The following BRCA2 variants were observed in gnomAD, a reference collection of about 807,000 sequenced individuals.
BRCA2 encodes breast cancer type 2 susceptibility protein.
Under a neutral mutation model 276.7 loss-of-function variants are expected in BRCA2, and 203 were observed. The ratio of observed to expected loss-of-function variants is 0.73; its 90% confidence interval spans 0.65 to 0.82. The LOEUF (loss-of-function observed/expected upper bound fraction) is 0.82. Ranked by LOEUF, BRCA2 falls within the 40% of genes least tolerant of loss-of-function variation. The probability of loss-of-function intolerance (pLI) is 0.00; values close to 1 mark genes in which losing one functional copy is unlikely to be tolerated. For synonymous variants in BRCA2, 1,289 were observed against 1,338.4 expected (o/e 0.96, Z 0.81); for missense variants, 3,920 against 3,915.0 (o/e 1.00, Z -0.03).
Position 32,340,068 on chromosome 13 carries a change from C to A in BRCA2, c.5713C>A (p.His1905Asn), listed in dbSNP as rs1593906278. 1 of 1,613,844 alleles carries A rather than the reference C, an allele frequency of 6.2e-7. No homozygotes were observed. Among genetic ancestry groups the A allele is most frequent in the Non-Finnish European group, 8.5e-7 (1 of 1,179,862 alleles). Residue 1905 changes from histidine (H) to asparagine (N), a missense_variant, in exon 11 of 27, where the codon CAT (histidine) becomes AAT (asparagine). Physicochemically the swap from His to Asn is moderately conservative, Grantham distance 68 (BLOSUM62 1). This residue lies in a region of BRCA2 where 3,263 missense variants were observed against 3,156.9 expected (regional missense o/e 1.03). Coordinates refer to ENST00000380152, the MANE Select transcript of BRCA2 (RefSeq NM_000059.4). ...ATTGGATGATTCAGAGGATATTCTT[C>A]ATAACTCTCTAGATAATGATGAATG... Reference protein sequence around the residue: ...EALDDSEDILHNSLDNDECST... With the variant: ...EALDDSEDILNNSLDNDECST...
At chr13:32,316,035 C>T (rs762004581) in intron 1 of BRCA2, among the ~76,000 whole-genome samples, 10 of 152,304 alleles carry the variant, frequency 6.6e-5, no homozygotes, top group Middle Eastern at 3.4e-3. Flanking sequence ...CTGCTGGGCA[C>T]GCTGTATTTG....
At chr13:32,380,534 C>CTTTTTTTTT (rs11451886) in intron 24 of BRCA2, among the ~76,000 whole-genome samples, 1 of 101,730 alleles carries the variant, frequency 9.8e-6, no homozygotes, top group Non-Finnish European at 1.9e-5. Flanking sequence ...CAGAGTCAAG[C>CTTTTTTTTT]TTTTTTTTTT....
Position 32,332,287 on chromosome 13 carries a change from C to G in BRCA2, c.809C>G (p.Ser270Ter), listed in dbSNP as rs276174902. The change falls in exon 10 of 27, where the codon TCA (serine) becomes TGA (stop). Residue 270 changes from serine to a stop codon, truncating the protein, a stop_gained. Coordinates refer to ENST00000380152, the MANE Select transcript of BRCA2 (RefSeq NM_000059.4). LOFTEE classifies it high-confidence loss of function. Reference sequence around the variant, plus strand: ...ACTTTAACAGGATTTGGAAAAACATCAGGGAATTCATTTAAAGTAAATAGC... The same window carrying G: ...ACTTTAACAGGATTTGGAAAAACATGAGGGAATTCATTTAAAGTAAATAGC... Reference protein sequence around the residue: ...EAASHGFGKTSGNSFKVNSCK... With the variant: ...EAASHGFGKT 6.2e-7 allele frequency: 1 copy of G among 1,603,794 alleles called. No individual in the cohort carries two copies. Among genetic ancestry groups the G allele is most frequent in the Non-Finnish European group, 8.5e-7 (1 of 1,174,714 alleles).
rs2073065602 is a variant in BRCA2 at position 32,399,452 on chromosome 13, T to C, written c.*682T>C. ...GTGGTGTTTCCTTTTGAGCAATTCTTCATCCTTAAGTCAGCATGATTATAA... is the reference window on the plus strand; with the variant it reads ...GTGGTGTTTCCTTTTGAGCAATTCTCCATCCTTAAGTCAGCATGATTATAA... On this transcript the variant is annotated 3_prime_UTR_variant, in exon 27 of 27. Coordinates refer to ENST00000380152, the MANE Select transcript of BRCA2 (RefSeq NM_000059.4). 5.3e-6 allele frequency: 1 copy of C among 187,574 alleles called. No individual in the cohort carries two copies. The highest frequency in any genetic ancestry group is 1.1e-5 in the Non-Finnish European group (1 of 88,898). The allele number at this position is 187,574 out of a possible 1,614,324, so 11.6% of individuals were successfully genotyped here.
chr13:32,381,400 G>T (rs147443811), intron 24 of BRCA2, among the ~76,000 whole-genome samples: 1 of 152,244 alleles, frequency 6.6e-6, no homozygotes, highest in Non-Finnish European at 1.5e-5. Flanking sequence ...AGAAGAGAGA[G>T]GGATGTAATT....
At chr13:32,352,228 TC>T (rs2137550580) in intron 13 of BRCA2, among the ~76,000 whole-genome samples, 1 of 152,242 alleles carries the variant, frequency 6.6e-6, no homozygotes, top group East Asian at 1.9e-4. Context: ...TTTTTTCATT[TC>T]TTTTTTTTTT....
At chr13:32,342,061 C>T (rs1326537943) in intron 11 of BRCA2, among the ~76,000 whole-genome samples, 1 of 152,092 alleles carries the variant, frequency 6.6e-6, no homozygotes, top group Non-Finnish European at 1.5e-5. Flanking sequence ...CACCTGAGGT[C>T]AGGAGTTTGA....
chr13:32,363,682 G>C, intron 18 of BRCA2, 149 bp downstream of exon 18: 1 of 832,934 alleles, frequency 1.2e-6, no homozygotes, highest in Non-Finnish European at 1.8e-6. Flanking sequence ...TCTTCAGACA[G>C]TTAAAGTTTT....
chr13:32,380,035 A>G lies in BRCA2; in HGVS notation c.9146A>G (p.Tyr3049Cys), dbSNP rs200924727. The G allele has an allele frequency of 6.2e-7, 1 of 1,613,980 alleles. No homozygotes were observed. The highest frequency in any genetic ancestry group is 8.5e-7 in the Non-Finnish European group (1 of 1,179,962). The stretch of plus-strand genomic sequence containing the variant: ...TCAGATGAAATTTTATTTCAGATTT[A>G]CCAGCCACGGGAGCCCCTTCACTTC... ...PVSDEILFQI[Y>C]QPREPLHFSK... The change falls in exon 24 of 27, where the codon TAC (tyrosine) becomes TGC (cysteine). Residue 3049 changes from tyrosine (Y) to cysteine (C), a missense_variant. Physicochemically the swap from Tyr to Cys is radical, Grantham distance 194 (BLOSUM62 -2). Coordinates refer to ENST00000380152, the MANE Select transcript of BRCA2 (RefSeq NM_000059.4).
At position 32,332,371 on chromosome 13, in the gene BRCA2, C is replaced by T. The variant is rs753067824; in HGVS notation, c.893C>T (p.Thr298Ile). 3 of 1,595,566 alleles carry T rather than the reference C, an allele frequency of 1.9e-6. No homozygotes were observed. Among genetic ancestry groups the T allele is most frequent in the Non-Finnish European group, 2.6e-6 (3 of 1,170,286 alleles). The change falls in exon 10 of 27, where the codon ACA (threonine) becomes ATA (isoleucine). Residue 298 changes from threonine (T) to isoleucine (I), a missense_variant. Around this residue, in one of 2 missense-constraint regions of BRCA2, gnomAD observed 3,263 missense variants for 3,156.9 expected, o/e 1.03. Transcript: ENST00000380152. ...GTCCTAGAAGATGAAGTATATGAAACAGTTGTAGATACCTCTGAAGAAGAT... is the reference window on the plus strand; with the variant it reads ...GTCCTAGAAGATGAAGTATATGAAATAGTTGTAGATACCTCTGAAGAAGAT... ...PNVLEDEVYE[T>I]VVDTSEEDSF...
chr13:32,372,119 A>G (rs911135769), intron 20 of BRCA2, among the ~76,000 whole-genome samples: 3 of 152,210 alleles, frequency 2.0e-5, no homozygotes, highest in Non-Finnish European at 2.9e-5. Flanking sequence ...TCTCTGTAGC[A>G]TGCAATGCTG....
Position 32,326,554 on chromosome 13 carries a change from A to T in BRCA2, c.572A>T (p.Asp191Val), listed in dbSNP as rs397507798. 2 of 1,614,066 alleles carry T rather than the reference A, an allele frequency of 1.2e-6. No homozygotes were observed. The highest frequency in any genetic ancestry group is 2.2e-5 in the East Asian group (1 of 44,850). Residue 191 changes from aspartate to valine, a missense_variant, in exon 7 of 27, where the codon GAT becomes GTT. By Grantham distance (152) the Asp-to-Val change is radical (BLOSUM62 -3). Around this residue, in one of 2 missense-constraint regions of BRCA2, gnomAD observed 3,263 missense variants for 3,156.9 expected, o/e 1.03. Coordinates refer to ENST00000380152, the MANE Select transcript of BRCA2 (RefSeq NM_000059.4). Reference sequence around the variant, plus strand: ...AGTCTAGGAGCTGAGGTGGATCCTGATATGTCTTGGTCAAGTTCTTTAGCT... The same window carrying T: ...AGTCTAGGAGCTGAGGTGGATCCTGTTATGTCTTGGTCAAGTTCTTTAGCT... Reference protein sequence around the residue: ...SESLGAEVDPDMSWSSSLATP... With the variant: ...SESLGAEVDPVMSWSSSLATP...
chr13:32,336,531 G>C lies in BRCA2; in HGVS notation c.2176G>C (p.Val726Leu). ...TGAAAATGATCCAAAAAGCAAAAAA[G>C]TTTCAGATATAAAAGAAGAGGTCTT... ...QCENDPKSKK[V>L]SDIKEEVLAA... The change falls in exon 11 of 27, where the codon GTT (valine) becomes CTT (leucine). Residue 726 changes from valine (V) to leucine (L), a missense_variant. Val to Leu is a conservative substitution (Grantham distance 32). Transcript: ENST00000380152. 3 of 1,613,990 alleles carry C rather than the reference G, an allele frequency of 1.9e-6. No individual in the cohort carries two copies. The South Asian group carries it at 3.3e-5, about 18-fold the overall frequency.
At position 32,398,664 on chromosome 13, in the gene BRCA2, G is replaced by A. The variant is rs80358397; in HGVS notation, c.10151G>A (p.Arg3384Gln). ...TCAGAAGATTATCTCAGACTGAAAC[G>A]ACGTTGTACTACATCTCTGATCAAA... ...TSSEDYLRLKRRCTTSLIKEQ... is the reference protein window; with the variant it reads ...TSSEDYLRLKQRCTTSLIKEQ... The change falls in exon 27 of 27, where the codon CGA becomes CAA. Residue 3384 changes from arginine to glutamine, a missense_variant. Coordinates refer to ENST00000380152, the MANE Select transcript of BRCA2 (RefSeq NM_000059.4). 3.7e-6 allele frequency: 6 copies of A among 1,614,146 alleles called. No homozygotes were observed. Among genetic ancestry groups the A allele is most frequent in the Non-Finnish European group, 5.1e-6 (6 of 1,180,026 alleles).
At chr13:32,373,131 A>G (rs943369256) in intron 20 of BRCA2, among the ~76,000 whole-genome samples, 19 of 151,602 alleles carry the variant, frequency 1.3e-4, no homozygotes, top group African/African-American at 4.6e-4. Context: ...AGCTGGGATT[A>G]CAGGTGTGCA....
In BRCA2 at chr13:32,337,443, T is replaced by G. The variant is rs80358554; in HGVS notation, c.3088T>G (p.Phe1030Val). ...SEHNIKKSKM[F>V]FKDIEEQYPT... is the part of the protein sequence containing the mutation. ...ACATAACATTAAGAAGAGCAAAATG[T>G]TCTTCAAAGATATTGAAGAACAATA... Residue 1030 changes from phenylalanine to valine, a missense_variant, in exon 11 of 27, where the codon TTC (phenylalanine) becomes GTC (valine). This residue lies in a region of BRCA2 where 3,263 missense variants were observed against 3,156.9 expected (regional missense o/e 1.03). Transcript: ENST00000380152. 12 of 1,612,770 alleles carry G rather than the reference T, an allele frequency of 7.4e-6. No individual in the cohort carries two copies. The highest frequency in any genetic ancestry group is 3.3e-5 in the Admixed American group (2 of 59,866).
At chr13:32,344,263 C>A (rs2072594043) in intron 11 of BRCA2, among the ~76,000 whole-genome samples, 1 of 150,366 alleles carries the variant, frequency 6.7e-6, no homozygotes, top group South Asian at 2.1e-4. Context: ...GTCAGTTTTT[C>A]AAAAAGTAGC....
intron 7 of BRCA2, among the ~76,000 whole-genome samples, chr13:32,326,948 G>T (rs2072354690): frequency 1.3e-5 from 2 of 152,140 alleles, no homozygotes; most frequent in South Asian, 4.1e-4. Flanking sequence ...GTGGTAATTG[G>T]GGCATTAAAG....
In BRCA2 at chr13:32,337,411, T is replaced by C. The variant is rs1299627822; in HGVS notation, c.3056T>C (p.Leu1019Pro). The C allele has an allele frequency of 6.2e-7, 1 of 1,613,370 alleles. No homozygotes were observed. Among genetic ancestry groups the C allele is most frequent in the African/African-American group, 1.3e-5 (1 of 74,884 alleles). ...FRTASNKEIK[L>P]SEHNIKKSKM... ...ACAGCTTCAAATAAGGAAATCAAGC[T>C]CTCTGAACATAACATTAAGAAGAGC... Residue 1019 changes from leucine to proline, a missense_variant, in exon 11 of 27, where the codon CTC becomes CCC. Physicochemically the swap from Leu to Pro is moderately conservative, Grantham distance 98. Transcript: ENST00000380152.
Sources: gnomAD v4.1 joint callset for allele counts (sites outside exome capture counted in the v4.1 genomes callset) on GRCh38, gnomAD v4.1.1 for gene constraint, gnomAD v4.1.1 regional missense constraint, MANE v1.5 for transcripts, NCBI Gene and HGNC (gene_info 2026-07-23, HGNC 2026-07-21) for gene names.